Variants in SND1 observed in about 807,000 individuals in gnomAD.
SND1 encodes staphylococcal nuclease domain-containing protein 1.
SND1 carries 38 observed loss-of-function variants against 121.7 expected under a neutral mutation model. The observed-to-expected ratio is 0.31, with a 90% CI of 0.24 to 0.41. SND1 has a LOEUF of 0.41. Among genes scored for constraint, SND1 ranks in the 10% least tolerant of loss-of-function variants. The pLI, the probability that SND1 is intolerant of heterozygous loss-of-function variation, is 1.00. For missense variants in SND1, 868 were observed against 1,184.6 expected (o/e 0.73, Z 3.92); for synonymous variants, 401 against 447.4 (o/e 0.90, Z 1.31).
chr7:127,828,396 C>G (rs576542270), intron 11 of SND1, among the ~76,000 whole-genome samples: 1 of 151,866 alleles, frequency 6.6e-6, no homozygotes, highest in Admixed American at 6.6e-5. Context: ...TTGGATCATT[C>G]CTTTACTTTT....
intron 10 of SND1, among the ~76,000 whole-genome samples, chr7:127,731,048 G>A (rs1017852111): frequency 6.6e-6 from 1 of 152,238 alleles, no homozygotes; most frequent in African/African-American, 2.4e-5. Context: ...GTTTTAGAAC[G>A]ACTGGCATGC....
chr7:127,902,336 G>C (rs961273303), intron 13 of SND1, among the ~76,000 whole-genome samples: 1 of 152,218 alleles, frequency 6.6e-6, no homozygotes, highest in Non-Finnish European at 1.5e-5. Context: ...AGGACCTGCA[G>C]AATGCTTTGC....
intron 16 of SND1, chr7:128,030,791 C>G (rs1792567552): frequency 5.0e-6 from 5 of 997,092 alleles, no homozygotes; most frequent in African/African-American, 3.3e-5. Context: ...GCGGATCGGC[C>G]GAAAAAAATC....
In SND1 at chr7:127,989,740, A is replaced by G. The variant is rs560867567; in HGVS notation, c.1670-1207A>G. ...CAGATCTTCATCATTTTCGTTTCCTATGTCTCTAGCCCAGTTCCACTTTTT... is the reference window on the plus strand; with the variant it reads ...CAGATCTTCATCATTTTCGTTTCCTGTGTCTCTAGCCCAGTTCCACTTTTT... On this transcript the variant is annotated intron_variant, in intron 15 of 23. Coordinates refer to ENST00000354725, the MANE Select transcript of SND1 (RefSeq NM_014390.4). Among the ~76,000 whole-genome samples the G allele has an allele frequency of 9.2e-5, 14 of 152,272 alleles. No homozygotes were observed. The South Asian group carries it at 2.5e-3, about 27-fold the overall frequency.
At chr7:127,709,235 C>T (rs1451065735) in intron 9 of SND1, among the ~76,000 whole-genome samples, 1 of 152,214 alleles carries the variant, frequency 6.6e-6, no homozygotes, top group African/African-American at 2.4e-5. Flanking sequence ...CTACTTGGAA[C>T]TCACTCAGTT....
intron 15 of SND1, among the ~76,000 whole-genome samples, chr7:127,975,128 A>C (rs1439169507): frequency 2.6e-5 from 4 of 152,144 alleles, no homozygotes; most frequent in Non-Finnish European, 5.9e-5. Flanking sequence ...AACTATGAAA[A>C]CCAAAATACA....
At chr7:127,973,947 A>G (rs866899947) in intron 15 of SND1, among the ~76,000 whole-genome samples, 2 of 152,206 alleles carry the variant, frequency 1.3e-5, no homozygotes, top group East Asian at 1.9e-4. Context: ...CAGCCTGGCT[A>G]TGTTTCTGCC....
At chr7:127,757,237 G>A (rs1797214329) in intron 10 of SND1, among the ~76,000 whole-genome samples, 1 of 152,148 alleles carries the variant, frequency 6.6e-6, no homozygotes, top group South Asian at 2.1e-4. Context: ...ATGTCTGTGA[G>A]ATTTATCTTT....
At chr7:127,679,032 G>C (rs1795661672) in intron 1 of SND1, 1 of 152,258 alleles carries the variant, frequency 6.6e-6, no homozygotes, top group Non-Finnish European at 1.5e-5. Flanking sequence ...GGTTGTGACA[G>C]TTGAAGAATG....
chr7:127,728,886 A>T (rs1280136933), intron 10 of SND1, among the ~76,000 whole-genome samples: 1 of 151,966 alleles, frequency 6.6e-6, no homozygotes, highest in Non-Finnish European at 1.5e-5. Context: ...GTATCTAACT[A>T]TCTCCGGAGG....
chr7:128,016,144 C>CTTTTTTTTT (rs767867847), intron 16 of SND1, among the ~76,000 whole-genome samples: 1 of 123,002 alleles, frequency 8.1e-6, no homozygotes, highest in African/African-American at 3.6e-5. Context: ...GGAACAACTT[C>CTTTTTTTTT]CTTTTTTTTT....
At chr7:127,722,445 A>G (rs1302457555) in intron 10 of SND1, among the ~76,000 whole-genome samples, 1 of 151,904 alleles carries the variant, frequency 6.6e-6, no homozygotes, top group Non-Finnish European at 1.5e-5. Context: ...CAGCCTCCTG[A>G]GTAGCTAGGA....
chr7:127,910,840 C>T (rs1800438517), intron 14 of SND1, among the ~76,000 whole-genome samples: 1 of 152,144 alleles, frequency 6.6e-6, no homozygotes, highest in African/African-American at 2.4e-5. Context: ...TATGGTTCTG[C>T]CGGGTGGGTT....
chr7:127,766,619 C>G (rs1027983213), intron 10 of SND1, among the ~76,000 whole-genome samples: 2 of 151,422 alleles, frequency 1.3e-5, no homozygotes, highest in Non-Finnish European at 2.9e-5. Context: ...ACTAAAAATA[C>G]AAAAAATTAG....
intron 10 of SND1, among the ~76,000 whole-genome samples, chr7:127,797,293 C>T (rs1363965416): frequency 6.6e-6 from 1 of 151,908 alleles, no homozygotes; most frequent in Non-Finnish European, 1.5e-5. Context: ...TCTAGTAGAT[C>T]AGCATCAAGC....
chr7:127,927,771 A>C (rs1800871226), intron 14 of SND1, among the ~76,000 whole-genome samples: 1 of 152,144 alleles, frequency 6.6e-6, no homozygotes. Context: ...TGCTCTGAAA[A>C]CTCTTGAAAT....
At chr7:127,687,005 T>C (rs712709) in intron 2 of SND1, 383,448 of 394,806 alleles carry the variant, frequency 0.97, 186,871 homozygotes, top group Non-Finnish European at 1. Context: ...TTAGATTTGT[T>C]GTGTTTTCAC....
At chr7:128,018,552 C>T (rs868204302) in intron 16 of SND1, among the ~76,000 whole-genome samples, 87 of 152,180 alleles carry the variant, frequency 5.7e-4, no homozygotes, top group African/African-American at 2.0e-3. Context: ...ATTACCCTGC[C>T]GCTCTGGCAC....
At chr7:128,064,671 CTA>C (rs1170149375) in intron 16 of SND1, among the ~76,000 whole-genome samples, 1 of 152,120 alleles carries the variant, frequency 6.6e-6, no homozygotes, top group African/African-American at 2.4e-5. Flanking sequence ...AAGTTGAGTT[CTA>C]TAATTCAGAG....
Sources: gnomAD v4.1 joint callset for allele counts (sites outside exome capture counted in the v4.1 genomes callset) on GRCh38, gnomAD v4.1.1 for gene constraint, MANE v1.5 for transcripts, NCBI Gene and HGNC (gene_info 2026-07-23, HGNC 2026-07-21) for gene names.